The following SIK3 variants were observed in gnomAD, a reference collection of about 807,000 sequenced individuals.
SIK3 encodes SIK family kinase 3, also known as serine/threonine-protein kinase SIK3.
SIK3 carries 28 observed loss-of-function variants against 144.2 expected under a neutral mutation model. That is an observed-to-expected ratio of 0.19 (90% CI 0.14 to 0.27). SIK3 has a LOEUF of 0.27. Among genes scored for constraint, SIK3 ranks in the 10% least tolerant of loss-of-function variants. The probability of loss-of-function intolerance (pLI) is 1.00; values close to 1 mark genes in which losing one functional copy is unlikely to be tolerated. For synonymous variants in SIK3, 686 were observed against 676.3 expected, an observed-to-expected ratio of 1.01 and a Z score of -0.22; for missense variants, 1,319 against 1,776.0, an observed-to-expected ratio of 0.74 and a Z score of 4.62.
chr11:117,062,435 C>T (rs1161960531), intron 1 of SIK3, among the ~76,000 whole-genome samples: 1 of 152,126 alleles, frequency 6.6e-6, no homozygotes, highest in South Asian at 2.1e-4. Flanking sequence ...CTGATCAAAC[C>T]TAGTTCCAGT....
intron 4 of SIK3, among the ~76,000 whole-genome samples, chr11:116,913,676 A>G (rs1404039017): frequency 6.6e-6 from 1 of 152,262 alleles, no homozygotes; most frequent in Non-Finnish European, 1.5e-5. Context: ...AATATCAACA[A>G]GAACAATAAA....
intron 1 of SIK3, among the ~76,000 whole-genome samples, chr11:117,019,324 T>C (rs937302602): frequency 6.6e-6 from 1 of 152,120 alleles, no homozygotes; most frequent in Admixed American, 6.6e-5. Context: ...CGGTCTTTAT[T>C]GTAACTTTAT....
chr11:117,029,443 C>T (rs1952163766), intron 1 of SIK3, among the ~76,000 whole-genome samples: 1 of 151,938 alleles, frequency 6.6e-6, no homozygotes, highest in Non-Finnish European at 1.5e-5. Flanking sequence ...AGCAACAGAG[C>T]CAGACCCTGT....
intron 4 of SIK3, among the ~76,000 whole-genome samples, chr11:116,907,948 T>C (rs191119404): frequency 7.4e-5 from 11 of 147,812 alleles, no homozygotes; most frequent in East Asian, 2.0e-4. Context: ...AGGTGGATTA[T>C]AGCCCTAATG....
At chr11:117,000,063 C>T (rs901924182) in intron 1 of SIK3, among the ~76,000 whole-genome samples, 3 of 152,106 alleles carry the variant, frequency 2.0e-5, no homozygotes, top group Non-Finnish European at 4.4e-5. Flanking sequence ...AGGTAAATAT[C>T]TAATATTAGA....
Position 116,846,742 on chromosome 11 carries a change from A to G in SIK3, c.3953-189T>C, listed in dbSNP as rs1003273768. ...ATGGGCGGGGGCCAAGATTCTTCCTATATTCTCCTCTACCTGTTCTGCTTT... is the reference window on the plus strand; with the variant it reads ...ATGGGCGGGGGCCAAGATTCTTCCTGTATTCTCCTCTACCTGTTCTGCTTT... On this transcript the variant is annotated intron_variant, in intron 23 of 24. Transcript: ENST00000445177. The surrounding 1 kb of genome is among the most constrained non-coding windows in gnomAD (Gnocchi z 4.1). 1.3e-5 allele frequency among the ~76,000 whole-genome samples: 2 copies of G among 152,142 alleles called. No homozygotes were observed. Among genetic ancestry groups the G allele is most frequent in the Admixed American group, 1.3e-4 (2 of 15,278 alleles).
rs1398257107 is a variant in SIK3, at chr11:116,844,860, A to G, written c.*783T>C. 1 of 151,180 alleles carries G rather than the reference A, an allele frequency of 6.6e-6. No individual in the cohort carries two copies. Among genetic ancestry groups the G allele is most frequent in the Non-Finnish European group, 1.5e-5 (1 of 67,908 alleles). 9.4% of individuals were successfully genotyped at this position (151,180 alleles called of 1,614,324 possible). On this transcript the variant is annotated 3_prime_UTR_variant, in exon 25 of 25. Transcript: ENST00000445177. ...CCAACTTTCCAGGTTACAAGAGGGGAGCTGAGTTATCCACCAAAAGCAAAG... is the reference window on the plus strand; with the variant it reads ...CCAACTTTCCAGGTTACAAGAGGGGGGCTGAGTTATCCACCAAAAGCAAAG...
At chr11:117,073,837 T>C (rs894811970) in intron 1 of SIK3, among the ~76,000 whole-genome samples, 1 of 152,248 alleles carries the variant, frequency 6.6e-6, no homozygotes, top group Non-Finnish European at 1.5e-5. Context: ...AGTTATCTCC[T>C]TACCATTAAC....
intron 4 of SIK3, among the ~76,000 whole-genome samples, chr11:116,906,536 A>G (rs535811640): frequency 6.6e-6 from 1 of 152,302 alleles, no homozygotes; most frequent in South Asian, 2.1e-4. Context: ...GCGAGAACAG[A>G]AAGAGGATGC....
At chr11:117,081,120 T>G (rs990980087) in intron 1 of SIK3, among the ~76,000 whole-genome samples, 2 of 151,860 alleles carry the variant, frequency 1.3e-5, no homozygotes, top group African/African-American at 4.8e-5. Flanking sequence ...AAAAAACAAG[T>G]GGCAAACTAG....
chr11:116,851,912 TAC>T (rs1942483728), intron 21 of SIK3, among the ~76,000 whole-genome samples: 1 of 152,014 alleles, frequency 6.6e-6, no homozygotes, highest in South Asian at 2.1e-4. Context: ...AGCCGCTTCT[TAC>T]TTTTTCAAAA....
At chr11:117,037,314 A>C (rs1952549637) in intron 1 of SIK3, among the ~76,000 whole-genome samples, 1 of 152,238 alleles carries the variant, frequency 6.6e-6, no homozygotes, top group Admixed American at 6.5e-5. Context: ...TAAACCAGGG[A>C]AAAATCAAGA....
chr11:116,862,443 C>T (rs1415072151), intron 16 of SIK3, 116 bp from the exon 17 acceptor site: 1 of 1,358,522 alleles, frequency 7.4e-7, no homozygotes, highest in Non-Finnish European at 1.0e-6. Flanking sequence ...CGCAAGAGAA[C>T]AGTGTCCTTG....
intron 3 of SIK3, among the ~76,000 whole-genome samples, chr11:116,948,701 G>A (rs1948790210): frequency 2.0e-5 from 3 of 151,788 alleles, no homozygotes; most frequent in Admixed American, 6.6e-5. Context: ...CAATGTTGTC[G>A]ATTTTTTCAA....
At chr11:117,003,941 T>C (rs1950948681) in intron 1 of SIK3, among the ~76,000 whole-genome samples, 1 of 152,192 alleles carries the variant, frequency 6.6e-6, no homozygotes, top group African/African-American at 2.4e-5. Context: ...TGATTATCCA[T>C]GTGCTACTGC....
chr11:117,062,026 T>C (rs1346739111), intron 1 of SIK3, among the ~76,000 whole-genome samples: 1 of 152,004 alleles, frequency 6.6e-6, no homozygotes, highest in Non-Finnish European at 1.5e-5. Flanking sequence ...ATTTTTTTTT[T>C]TTAAATAAAA....
At chr11:116,960,337 G>A (rs932208755) in intron 1 of SIK3, among the ~76,000 whole-genome samples, 1 of 152,000 alleles carries the variant, frequency 6.6e-6, no homozygotes, top group Non-Finnish European at 1.5e-5. Flanking sequence ...ACCAGCCTGG[G>A]CAACAAAGTG....
At chr11:117,063,891 T>C (rs1953906747) in intron 1 of SIK3, among the ~76,000 whole-genome samples, 1 of 152,010 alleles carries the variant, frequency 6.6e-6, no homozygotes, top group Non-Finnish European at 1.5e-5. Context: ...TTCCCCATCT[T>C]ATAAGAAAAA....
At chr11:117,083,514 T>G (rs1954876367) in intron 1 of SIK3, among the ~76,000 whole-genome samples, 1 of 152,204 alleles carries the variant, frequency 6.6e-6, no homozygotes, top group Non-Finnish European at 1.5e-5. Flanking sequence ...ATATCCCTGT[T>G]GATGTAGAAA....
Sources: gnomAD v4.1 joint callset for allele counts (sites outside exome capture counted in the v4.1 genomes callset) on GRCh38, gnomAD v4.1.1 for gene constraint, Gnocchi (gnomAD v3.1) non-coding constraint, MANE v1.5 for transcripts, NCBI Gene and HGNC (gene_info 2026-07-23, HGNC 2026-07-21) for gene names.